NF1: variants seen among roughly 807,000 people sequenced by gnomAD.
The protein encoded by NF1 is neurofibromin.
In NF1, 122 loss-of-function variants were observed where a neutral mutation model predicts 325.7. That is an observed-to-expected ratio of 0.37 (90% CI 0.32 to 0.44). The LOEUF (loss-of-function observed/expected upper bound fraction) is 0.44, where lower values mean the gene tolerates loss of function less well. Ranked by LOEUF, NF1 falls within the 20% of genes least tolerant of loss-of-function variation. The pLI, the probability that NF1 is intolerant of heterozygous loss-of-function variation, is 1.00. For synonymous variants in NF1, 1,091 were observed against 1,186.0 expected, an observed-to-expected ratio of 0.92 and a Z score of 1.65; for missense variants, 2,140 against 3,415.4, an observed-to-expected ratio of 0.63 and a Z score of 9.31.
intron 1 of NF1, among the ~76,000 whole-genome samples, chr17:31,102,886 C>T (rs1912481397): frequency 6.6e-6 from 1 of 151,116 alleles, no homozygotes; most frequent in African/African-American, 2.4e-5. Flanking sequence ...CGCTCTATTG[C>T]CCAGGTTGGA....
chr17:31,185,440 G>A lies in NF1; in HGVS notation c.888+2775G>A, dbSNP rs150256345. ...ATTCTGTGAGCAAGAAGTAGCAAAC[G>A]CACTGGACTTATTGGTGAGACGTTT... On this transcript the variant is annotated intron_variant, in intron 8 of 57. Coordinates refer to ENST00000358273, the MANE Select transcript of NF1 (RefSeq NM_001042492.3). Among the ~76,000 whole-genome samples, 434 of 152,278 alleles carry A rather than the reference G, an allele frequency of 2.9e-3. 2 individuals carry two copies. The highest frequency in any genetic ancestry group is 9.4e-3 in the African/African-American group (390 of 41,556).
intron 8 of NF1, 151 bp downstream of exon 8, chr17:31,182,816 G>A (rs1445549028): frequency 1.3e-6 from 1 of 741,862 alleles, no homozygotes; most frequent in African/African-American, 1.8e-5. Flanking sequence ...GATGGACTTA[G>A]AAGAGACATA....
chr17:31,181,576 T>G, intron 6 of NF1, 87 bp downstream of exon 6: 1 of 1,370,058 alleles, frequency 7.3e-7, no homozygotes, highest in Non-Finnish European at 1.0e-6. Context: ...AGTTATGACT[T>G]GAGTGATAGT....
chr17:31,334,462 AGAGAT>A (rs1359839601), intron 39 of NF1, among the ~76,000 whole-genome samples: 1 of 152,174 alleles, frequency 6.6e-6, no homozygotes, highest in Non-Finnish European at 1.5e-5. Flanking sequence ...AAGCCTGAGG[AGAGAT>A]GAGATGATAC....
At chr17:31,170,400 C>T (rs17879997) in intron 5 of NF1, among the ~76,000 whole-genome samples, 62 of 152,222 alleles carry the variant, frequency 4.1e-4, no homozygotes, top group African/African-American at 1.4e-3. Flanking sequence ...CAGAATGGAA[C>T]GAGGAGATTG....
chr17:31,354,891 T>C (rs2070234687), intron 51 of NF1, among the ~76,000 whole-genome samples: 1 of 152,202 alleles, frequency 6.6e-6, no homozygotes, highest in African/African-American at 2.4e-5. Context: ...GACCAATTGT[T>C]GCAGGTGGGG....
At chr17:31,128,224 T>C (rs1186914124) in intron 1 of NF1, among the ~76,000 whole-genome samples, 1 of 151,894 alleles carries the variant, frequency 6.6e-6, no homozygotes, top group African/African-American at 2.4e-5. Context: ...AGTGTTAGGA[T>C]TATAGGTGTG....
intron 36 of NF1, chr17:31,295,369 G>A (rs748401183): frequency 8.1e-6 from 13 of 1,614,032 alleles, no homozygotes; most frequent in Non-Finnish European, 1.0e-5. Flanking sequence ...TAAAGGTGGT[G>A]TCTTTGCTTA....
rs2143145306 is a variant in NF1, at chr17:31,095,349, G to T, written c.40G>T (p.Val14Phe). 6.5e-7 allele frequency: 1 copy of T among 1,540,028 alleles called. No individual in the cohort carries two copies. Among genetic ancestry groups the T allele is most frequent in the Non-Finnish European group, 8.7e-7 (1 of 1,146,550 alleles). Residue 14 changes from valine (V) to phenylalanine (F), a missense_variant, in exon 1 of 58, where the codon GTC (valine) becomes TTC (phenylalanine). Val to Phe is a conservative substitution (Grantham distance 50). Coordinates refer to ENST00000358273, the MANE Select transcript of NF1 (RefSeq NM_001042492.3). ...HRPVEWVQAV[V>F]SRFDEQLPIK... Reference sequence around the variant, plus strand: ...GCCGGTGGAATGGGTCCAGGCCGTGGTCAGCCGCTTCGACGAGCAGGTAAC... The same window carrying T: ...GCCGGTGGAATGGGTCCAGGCCGTGTTCAGCCGCTTCGACGAGCAGGTAAC...
chr17:31,243,862 T>C (rs1224012137), intron 29 of NF1, among the ~76,000 whole-genome samples: 1 of 151,882 alleles, frequency 6.6e-6, no homozygotes, highest in East Asian at 2.0e-4. Context: ...TTCTTACCTC[T>C]TCTTTCCTCA....
At chr17:31,153,423 A>G (rs1917084697) in intron 1 of NF1, among the ~76,000 whole-genome samples, 1 of 152,138 alleles carries the variant, frequency 6.6e-6, no homozygotes, top group African/African-American at 2.4e-5. Context: ...TTCTCTTGAG[A>G]CTTTTATCAT....
At chr17:31,190,835 G>A (rs555384006) in intron 8 of NF1, among the ~76,000 whole-genome samples, 2 of 152,244 alleles carry the variant, frequency 1.3e-5, no homozygotes, top group Admixed American at 1.3e-4. Context: ...CTGCATTTTT[G>A]TCAGGATTAG....
rs2143960811 is a variant in NF1, at chr17:31,214,585, T to A, written c.1527T>A (p.Cys509Ter). 1 of 1,612,794 alleles carries A rather than the reference T, an allele frequency of 6.2e-7. No individual in the cohort carries two copies. The highest frequency in any genetic ancestry group is 1.7e-5 in the Admixed American group (1 of 59,896). The change falls in exon 13 of 58, where the codon TGT becomes TGA. Residue 509 changes from cysteine to a stop codon, truncating the protein, a stop_gained and splice_region_variant. Transcript: ENST00000358273. LOFTEE classifies it high-confidence loss of function. ...LIHADPKLLL[C>*]NPRKQGPETQ... ...ATGCAGATCCAAAGCTCTTGCTTTGTGTAAGTATTTTTTTATGAAATGTCT... is the reference window on the plus strand; with the variant it reads ...ATGCAGATCCAAAGCTCTTGCTTTGAGTAAGTATTTTTTTATGAAATGTCT...
intron 49 of NF1, 112 bp downstream of exon 49, chr17:31,349,363 TCA>T (rs1398637924): frequency 3.7e-6 from 4 of 1,085,446 alleles, no homozygotes; most frequent in Admixed American, 2.1e-5. Context: ...AGCAGAAAGT[TCA>T]CAGTCTAGTC....
chr17:31,199,547 T>G (rs1180011602), intron 8 of NF1, among the ~76,000 whole-genome samples: 1 of 152,188 alleles, frequency 6.6e-6, no homozygotes, highest in Non-Finnish European at 1.5e-5. Flanking sequence ...GTGCTGGTGT[T>G]GGGTGAGTTT....
chr17:31,318,980 G>A (rs2069104170), intron 36 of NF1: 1 of 1,611,870 alleles, frequency 6.2e-7, no homozygotes, highest in Admixed American at 1.7e-5. Context: ...GCAAGATGTA[G>A]GTAATGTCCT....
At chr17:31,330,042 G>A (rs952295691) in intron 38 of NF1, among the ~76,000 whole-genome samples, 8 of 151,976 alleles carry the variant, frequency 5.3e-5, no homozygotes, top group African/African-American at 1.2e-4. Context: ...CCTATACCCC[G>A]CCCCTCTGTC....
intron 47 of NF1, among the ~76,000 whole-genome samples, chr17:31,341,074 A>G (rs1357548479): frequency 6.6e-6 from 1 of 152,226 alleles, no homozygotes; most frequent in Non-Finnish European, 1.5e-5. Flanking sequence ...TCACACGTGA[A>G]GAAATAATCT....
chr17:31,249,197 C>T (rs988320128), intron 30 of NF1, 78 bp downstream of exon 30: 6 of 1,471,776 alleles, frequency 4.1e-6, no homozygotes, highest in Non-Finnish European at 5.7e-6. Flanking sequence ...AAGGATCTAG[C>T]TGCTGATGGT....
Sources: gnomAD v4.1 joint callset for allele counts (sites outside exome capture counted in the v4.1 genomes callset) on GRCh38, gnomAD v4.1.1 for gene constraint, MANE v1.5 for transcripts, NCBI Gene and HGNC (gene_info 2026-07-23, HGNC 2026-07-21) for gene names.